The following MTHFD2L variants were observed in gnomAD, a reference collection of about 807,000 sequenced individuals.
MTHFD2L encodes methylenetetrahydrofolate dehydrogenase (NADP+ dependent) 2 like.
In MTHFD2L, 29 loss-of-function variants were observed where a neutral mutation model predicts 34.9. The ratio of observed to expected loss-of-function variants is 0.83; its 90% CI spans 0.62 to 1.13. MTHFD2L has a LOEUF of 1.13. Ranked by LOEUF, MTHFD2L falls within the 50% of genes most tolerant of loss-of-function variation. MTHFD2L has a pLI of 0.00. For synonymous variants in MTHFD2L, 167 were observed against 155.7 expected (o/e 1.07, Z -0.54); for missense variants, 481 against 446.5 (o/e 1.08, Z -0.70).
At chr4:74,276,846 A>G (rs1467737040) in intron 6 of MTHFD2L, among the ~76,000 whole-genome samples, 3 of 152,172 alleles carry the variant, frequency 2.0e-5, no homozygotes, top group Non-Finnish European at 2.9e-5. Context: ...AATTTATATA[A>G]TTATCTTCTT....
intron 6 of MTHFD2L, among the ~76,000 whole-genome samples, chr4:74,279,151 A>G (rs1380045671): frequency 6.6e-6 from 1 of 152,090 alleles, no homozygotes; most frequent in Non-Finnish European, 1.5e-5. Flanking sequence ...GCAGGAATGA[A>G]TACATTTTTA....
At chr4:74,299,404 CAGT>C (rs201748625) in intron 7 of MTHFD2L, among the ~76,000 whole-genome samples, 8,590 of 148,584 alleles carry the variant, frequency 0.058, 538 homozygotes, top group African/African-American at 0.16. Flanking sequence ...GCAGCAGCAG[CAGT>C]AGCAGTAGCA....
intron 1 of MTHFD2L, among the ~76,000 whole-genome samples, chr4:74,169,965 T>C (rs1432148251): frequency 6.6e-6 from 1 of 152,176 alleles, no homozygotes; most frequent in Non-Finnish European, 1.5e-5. Context: ...CCCTCTATAT[T>C]AAGGAATTTA....
rs139409993 is a variant in MTHFD2L at position 74,206,423 on chromosome 4, T to C, written c.712+5053T>C. ...TGGGTCTCCAGACTTAGTCTGTCTG[T>C]CTCAAGATTAGCTCCTGGAACTTCT... On this transcript the variant is annotated intron_variant, in intron 5 of 7. Coordinates refer to ENST00000325278, the MANE Select transcript of MTHFD2L (RefSeq NM_001144978.3). 6.2e-3 allele frequency among the ~76,000 whole-genome samples: 949 copies of C among 152,202 alleles called. 10 individuals carry two copies. The highest frequency in any genetic ancestry group is 0.026 in the South Asian group (127 of 4,822).
In MTHFD2L at chr4:74,165,109, A is replaced by G. The variant is rs72652963; in HGVS notation, c.143+6828A>G. 3.8e-3 allele frequency: 1,253 copies of G among 327,756 alleles called. 1 individual carries two copies. Among genetic ancestry groups the G allele is most frequent in the Admixed American group, 6.8e-3 (106 of 15,492 alleles). The allele number at this position is 327,756 out of a possible 1,614,324, so 20.3% of individuals were successfully genotyped here. A position where few individuals can be genotyped will look rare whatever the true frequency, so the allele number is the denominator to read the frequency against. Reference sequence around the variant, plus strand: ...GGGGCACGAATGTAATGAAAATTATATATTTGGAATATCTATTGGCTTACA... The same window carrying G: ...GGGGCACGAATGTAATGAAAATTATGTATTTGGAATATCTATTGGCTTACA... On this transcript the variant is annotated intron_variant, in intron 1 of 7. Transcript: ENST00000325278.
chr4:74,192,829 A>G (rs1164152709), intron 3 of MTHFD2L, among the ~76,000 whole-genome samples: 1 of 151,864 alleles, frequency 6.6e-6, no homozygotes, highest in Admixed American at 6.6e-5. Context: ...GCTTTTTTTT[A>G]TATATCTGGT....
chr4:74,207,821 A>G (rs1735619394), intron 5 of MTHFD2L, among the ~76,000 whole-genome samples: 1 of 141,840 alleles, frequency 7.1e-6, no homozygotes, highest in Admixed American at 7.5e-5. Context: ...ACAGGACATA[A>G]TAACACAGTA....
intron 3 of MTHFD2L, chr4:74,194,791 G>A (rs1432515241): frequency 6.6e-6 from 1 of 152,174 alleles, no homozygotes; most frequent in East Asian, 1.9e-4. Flanking sequence ...GGCAAACACT[G>A]AGCTGTAACC....
At chr4:74,252,062 C>T (rs1470798518) in intron 6 of MTHFD2L, among the ~76,000 whole-genome samples, 2 of 152,180 alleles carry the variant, frequency 1.3e-5, no homozygotes, top group Non-Finnish European at 2.9e-5. Context: ...AGCTGAGAGC[C>T]ATGTCTGCAC....
At chr4:74,136,138 G>A (rs1048437379) in intron 1 of MTHFD2L, among the ~76,000 whole-genome samples, 3 of 151,892 alleles carry the variant, frequency 2.0e-5, no homozygotes, top group Admixed American at 6.6e-5. Context: ...CCTGGCCAGA[G>A]CAATTAGGTA....
At chr4:74,189,901 A>C (rs1732169006) in intron 3 of MTHFD2L, among the ~76,000 whole-genome samples, 1 of 152,124 alleles carries the variant, frequency 6.6e-6, no homozygotes, top group African/African-American at 2.4e-5. Context: ...CTCTGTGGAA[A>C]GTATTTTAAA....
At chr4:74,246,579 C>T (rs1742487464) in intron 6 of MTHFD2L, among the ~76,000 whole-genome samples, 1 of 152,110 alleles carries the variant, frequency 6.6e-6, no homozygotes, top group African/African-American at 2.4e-5. Context: ...ATGGTAATGC[C>T]TAGGTTTTCT....
chr4:74,217,067 A>G (rs542694716), intron 5 of MTHFD2L, among the ~76,000 whole-genome samples: 1 of 151,578 alleles, frequency 6.6e-6, no homozygotes, highest in Admixed American at 6.6e-5. Context: ...CTCACTTCCT[A>G]CCATTCTCAT....
At chr4:74,237,303 TTAGGACTAGAAAA>T in intron 6 of MTHFD2L, among the ~76,000 whole-genome samples, 1 of 152,190 alleles carries the variant, frequency 6.6e-6, no homozygotes, top group African/African-American at 2.4e-5. Flanking sequence ...AACCTTGCTT[TTAGGACTAGAAAA>T]CTCCCTGTTC....
chr4:74,274,621 T>C lies in MTHFD2L; in HGVS notation c.806-6804T>C, dbSNP rs376824573. The stretch of plus-strand genomic sequence containing the variant: ...ATATCACCGAAACAATTCAATGATA[T>C]GACAAATCTTAGTTTATGGTTACTG... On this transcript the variant is annotated intron_variant, in intron 6 of 7. Coordinates refer to ENST00000325278, the MANE Select transcript of MTHFD2L (RefSeq NM_001144978.3). Among the ~76,000 whole-genome samples the C allele has an allele frequency of 9.2e-5, 14 of 152,300 alleles. 1 individual carries two copies. In the East Asian group the frequency reaches 2.5e-3, roughly 27 times the overall value.
At chr4:74,255,222 T>G (rs1284310602) in intron 6 of MTHFD2L, among the ~76,000 whole-genome samples, 2 of 151,382 alleles carry the variant, frequency 1.3e-5, no homozygotes, top group African/African-American at 4.9e-5. Flanking sequence ...TAACATAATT[T>G]GTGGGGGAAG....
At chr4:74,214,929 A>G (rs1488965330) in intron 5 of MTHFD2L, among the ~76,000 whole-genome samples, 4 of 151,808 alleles carry the variant, frequency 2.6e-5, no homozygotes, top group African/African-American at 9.7e-5. Context: ...CTAGTGAGAC[A>G]GTCTGGCTAC....
At chr4:74,245,880 T>A (rs1282337575) in intron 6 of MTHFD2L, among the ~76,000 whole-genome samples, 11 of 151,026 alleles carry the variant, frequency 7.3e-5, no homozygotes, top group Admixed American at 5.3e-4. Context: ...TCTATCATTG[T>A]TGGACATTTG....
chr4:74,132,145 G>T (rs1472369898), intron 1 of MTHFD2L, among the ~76,000 whole-genome samples: 2 of 152,114 alleles, frequency 1.3e-5, no homozygotes, highest in Non-Finnish European at 2.9e-5. Context: ...GTTGGTGGGA[G>T]AATAAATTAG....
Sources: gnomAD v4.1 joint callset for allele counts (sites outside exome capture counted in the v4.1 genomes callset) on GRCh38, gnomAD v4.1.1 for gene constraint, MANE v1.5 for transcripts, NCBI Gene and HGNC (gene_info 2026-07-23, HGNC 2026-07-21) for gene names.